VTI1A: variants seen among roughly 807,000 people sequenced by gnomAD.
VTI1A encodes the protein vesicle transport through interaction with t-SNAREs homolog 1A.
A neutral mutation model predicts 34.9 loss-of-function variants in VTI1A; 22 were observed. The ratio of observed to expected loss-of-function variants is 0.63; its 90% CI spans 0.45 to 0.90. The LOEUF is 0.90. Ranked by LOEUF, VTI1A falls within the 40% of genes least tolerant of loss-of-function variation. The pLI, the probability that VTI1A is intolerant of heterozygous loss-of-function variation, is 0.00. For missense variants in VTI1A, 268 were observed against 275.6 expected (o/e 0.97, Z 0.20); for synonymous variants, 87 against 97.3 (o/e 0.89, Z 0.62).
chr10:112,810,096 T>A (rs900392150), intron 7 of VTI1A, among the ~76,000 whole-genome samples: 9 of 145,722 alleles, frequency 6.2e-5, no homozygotes, highest in Non-Finnish European at 9.1e-5. Context: ...TGGTTTGATT[T>A]AAAAAAAAAA....
intron 7 of VTI1A, among the ~76,000 whole-genome samples, chr10:112,789,970 G>T (rs1852407374): frequency 1.4e-5 from 2 of 146,000 alleles, no homozygotes; most frequent in African/African-American, 2.5e-5. Context: ...TTTTTTGGTG[G>T]TTGTTATCAT....
At chr10:112,823,899 G>C in the VTI1A span, 6 of 152,238 alleles carry the variant, frequency 3.9e-5, no homozygotes, top group African/African-American at 1.2e-4. Context: ...GGCCCTAGGG[G>C]GCCACTGTGG....
At chr10:112,651,511 A>G (rs1554932572) in intron 5 of VTI1A, among the ~76,000 whole-genome samples, 3 of 152,098 alleles carry the variant, frequency 2.0e-5, no homozygotes. Context: ...GGGTTTCACC[A>G]TGGTGGCCAG....
intron 5 of VTI1A, among the ~76,000 whole-genome samples, chr10:112,561,453 G>A (rs1246436099): frequency 6.6e-6 from 1 of 152,122 alleles, no homozygotes; most frequent in African/African-American, 2.4e-5. Flanking sequence ...TTGGACTAGG[G>A]ACATTTACTT....
chr10:112,628,090 G>A (rs1430255596), intron 5 of VTI1A, among the ~76,000 whole-genome samples: 1 of 152,030 alleles, frequency 6.6e-6, no homozygotes, highest in Non-Finnish European at 1.5e-5. Flanking sequence ...ATACTGTCCT[G>A]TACCTTAATT....
chr10:112,718,518 A>G (rs11196073), intron 7 of VTI1A, among the ~76,000 whole-genome samples: 10,649 of 152,320 alleles, frequency 0.07, 903 homozygotes, highest in African/African-American at 0.2. Context: ...GTTTTTACAC[A>G]TATGTAGAAA....
chr10:112,691,086 C>G (rs34965989), intron 7 of VTI1A, among the ~76,000 whole-genome samples: 5 of 151,756 alleles, frequency 3.3e-5, no homozygotes, highest in Admixed American at 1.3e-4. Flanking sequence ...TGGCGAAACC[C>G]CGTCTCTACT....
intron 7 of VTI1A, among the ~76,000 whole-genome samples, chr10:112,690,337 G>A (rs899863399): frequency 2.0e-5 from 3 of 152,154 alleles, no homozygotes; most frequent in South Asian, 2.1e-4. Context: ...GAACCTATCC[G>A]ATTGTTCCCA....
chr10:112,618,518 TATATATAGAGAG>T (rs1459311420), intron 5 of VTI1A, among the ~76,000 whole-genome samples: 1 of 47,474 alleles, frequency 2.1e-5, no homozygotes, highest in South Asian at 8.4e-4. Flanking sequence ...TATATATATA[TATATATAGAGAG>T]AGAGAGAGAG....
At chr10:112,565,539 C>A (rs1266909778) in intron 5 of VTI1A, among the ~76,000 whole-genome samples, 5 of 152,068 alleles carry the variant, frequency 3.3e-5, no homozygotes, top group Admixed American at 2.0e-4. Context: ...TTCCTGTATA[C>A]CTCTGATCAT....
chr10:112,717,273 T>C (rs570471064), intron 7 of VTI1A, among the ~76,000 whole-genome samples: 1 of 152,336 alleles, frequency 6.6e-6, no homozygotes, highest in South Asian at 2.1e-4. Flanking sequence ...CTTTCTATTG[T>C]TGATGATGTG....
At chr10:112,717,989 C>G (rs1435997638) in intron 7 of VTI1A, among the ~76,000 whole-genome samples, 1 of 152,186 alleles carries the variant, frequency 6.6e-6, no homozygotes, top group Non-Finnish European at 1.5e-5. Flanking sequence ...CTTCCCACAG[C>G]AAAATCCAAG....
chr10:112,831,428 T>C, the VTI1A span: 1 of 152,168 alleles, frequency 6.6e-6, no homozygotes, highest in Non-Finnish European at 1.5e-5. Flanking sequence ...TTCTCAAGTG[T>C]TTGTGGACAG....
chr10:112,562,518 A>ATGTT (rs2134335282), intron 5 of VTI1A, among the ~76,000 whole-genome samples: 1 of 151,666 alleles, frequency 6.6e-6, no homozygotes, highest in East Asian at 1.9e-4. Context: ...AAGTAATATT[A>ATGTT]TGTTTGTGTG....
intron 5 of VTI1A, among the ~76,000 whole-genome samples, chr10:112,662,617 C>T (rs1847501517): frequency 6.6e-6 from 1 of 152,256 alleles, no homozygotes; most frequent in Non-Finnish European, 1.5e-5. Context: ...TATGTGCTAA[C>T]TGTAGTGACT....
chr10:112,836,089 C>T, the VTI1A span, among the ~76,000 whole-genome samples: 1 of 152,238 alleles, frequency 6.6e-6, no homozygotes, highest in Non-Finnish European at 1.5e-5. Context: ...GAACTAAGCT[C>T]TTGTCCAGCT....
At chr10:112,855,224 C>T in the VTI1A span, among the ~76,000 whole-genome samples, 1 of 152,172 alleles carries the variant, frequency 6.6e-6, no homozygotes, top group African/African-American at 2.4e-5. Flanking sequence ...AGAGAATTTT[C>T]TCTGCCCTTT....
intron 5 of VTI1A, among the ~76,000 whole-genome samples, chr10:112,592,033 C>T (rs181463867): frequency 1.1e-3 from 160 of 152,278 alleles, no homozygotes; most frequent in African/African-American, 3.7e-3. Flanking sequence ...GACAATGTGA[C>T]GTGGAAGGTA....
intron 5 of VTI1A, among the ~76,000 whole-genome samples, chr10:112,558,467 T>C (rs1054662914): frequency 1.3e-5 from 2 of 152,248 alleles, no homozygotes; most frequent in Non-Finnish European, 2.9e-5. Context: ...AGACTTACTG[T>C]GTAGCCATTA....
Sources: allele counts gnomAD v4.1 joint callset (sites outside exome capture counted in the v4.1 genomes callset), GRCh38; gene constraint gnomAD v4.1.1; transcripts MANE v1.5; gene names NCBI Gene and HGNC (gene_info 2026-07-23, HGNC 2026-07-21).